Variants in ERBB4 observed in about 807,000 individuals in gnomAD.
ERBB4 encodes the protein receptor tyrosine-protein kinase erbB-4.
Under a neutral mutation model 158.0 loss-of-function variants are expected in ERBB4, and 42 were observed. That is an observed-to-expected ratio of 0.27 (90% CI 0.21 to 0.34). ERBB4 has a LOEUF of 0.34. ERBB4 is among the 10% of genes least tolerant of loss of function. The pLI is 1.00. For missense variants in ERBB4, 1,333 were observed against 1,624.1 expected, an observed-to-expected ratio of 0.82 and a Z score of 3.08; for synonymous variants, 583 against 558.7, an observed-to-expected ratio of 1.04 and a Z score of -0.61.
intron 1 of ERBB4, among the ~76,000 whole-genome samples, chr2:212,239,772 T>C (rs2084013622): frequency 6.6e-6 from 1 of 152,166 alleles, no homozygotes. Context: ...AGGTATGAAA[T>C]AGAAAATTAT....
rs1449437878 is a variant in ERBB4, at chr2:211,381,891, A to C, written c.*1724T>G. On this transcript the variant is annotated 3_prime_UTR_variant, in exon 28 of 28. Transcript: ENST00000342788. Reference sequence around the variant, plus strand: ...TTTCAGAAAAGGGCGACTTATATCTAAGTTTCCTAATTATTGATGTGAGGC... The same window carrying C: ...TTTCAGAAAAGGGCGACTTATATCTCAGTTTCCTAATTATTGATGTGAGGC... 2 of 229,276 alleles carry C rather than the reference A, an allele frequency of 8.7e-6. No individual in the cohort carries two copies. Among genetic ancestry groups the C allele is most frequent in the African/African-American group, 2.2e-5 (1 of 45,150 alleles). The allele number at this position is 229,276 out of a possible 1,614,324, so 14.2% of individuals were successfully genotyped here. A position where few individuals can be genotyped will look rare whatever the true frequency, so the allele number is the denominator to read the frequency against.
chr2:211,544,685 C>CA (rs2066897410), intron 20 of ERBB4, among the ~76,000 whole-genome samples: 2 of 151,984 alleles, frequency 1.3e-5, no homozygotes, highest in South Asian at 4.1e-4. Flanking sequence ...ACTTTGCATA[C>CA]ATCAACTCAT....
chr2:211,626,101 G>T (rs930217429), intron 17 of ERBB4, among the ~76,000 whole-genome samples: 36 of 152,132 alleles, frequency 2.4e-4, no homozygotes, highest in Admixed American at 2.2e-3. Context: ...TGTGAAGTAG[G>T]TGTAGCAATA....
chr2:212,009,282 C>T (rs911230643), intron 2 of ERBB4, among the ~76,000 whole-genome samples: 9 of 151,666 alleles, frequency 5.9e-5, no homozygotes, highest in Admixed American at 5.9e-4. Context: ...CAGGCAGGCC[C>T]TAAATCCAAA....
Position 211,379,643 on chromosome 2 carries a change from ATAACC to A in ERBB4, c.*3967_*3971del, listed in dbSNP as rs2062541386. 1 of 231,632 alleles carries A rather than the reference ATAACC, an allele frequency of 4.3e-6. No individual in the cohort carries two copies. Among genetic ancestry groups the A allele is most frequent in the Non-Finnish European group, 8.5e-6 (1 of 117,148 alleles). 14.3% of individuals were successfully genotyped at this position (231,632 alleles called of 1,614,324 possible). On this transcript the variant is annotated 3_prime_UTR_variant, in exon 28 of 28. Transcript: ENST00000342788. Reference sequence around the variant, plus strand: ...TAATATTAAAATCATTTAACATCTGATAACCTAACTAAATCTACATCTTATAGCAT... The same window carrying A: ...TAATATTAAAATCATTTAACATCTGATAACTAAATCTACATCTTATAGCAT...
chr2:211,988,864 G>C (rs1166823412), intron 2 of ERBB4, among the ~76,000 whole-genome samples: 1 of 151,934 alleles, frequency 6.6e-6, no homozygotes, highest in Non-Finnish European at 1.5e-5. Context: ...AGGGATCTAA[G>C]TCTCTTTTGC....
chr2:212,026,112 AAAGC>A (rs1215362725), intron 2 of ERBB4, among the ~76,000 whole-genome samples: 1 of 151,742 alleles, frequency 6.6e-6, no homozygotes, highest in Admixed American at 6.6e-5. Flanking sequence ...TACGTAAGCC[AAAGC>A]AAGCAAGATT....
chr2:212,286,608 T>TGTTTTGTTTTG (rs1374258377), intron 1 of ERBB4, among the ~76,000 whole-genome samples: 1 of 121,696 alleles, frequency 8.2e-6, no homozygotes. Context: ...TTTTTTTTTT[T>TGTTTTGTTTTG]TTTTTTTTTT....
intron 1 of ERBB4, among the ~76,000 whole-genome samples, chr2:212,266,175 C>T (rs1457242403): frequency 6.6e-6 from 1 of 151,406 alleles, no homozygotes; most frequent in Admixed American, 6.6e-5. Flanking sequence ...GATGAAATTC[C>T]TTTCATTTTC....
chr2:211,696,784 C>T (rs1307533169), intron 12 of ERBB4, among the ~76,000 whole-genome samples: 2 of 152,060 alleles, frequency 1.3e-5, no homozygotes, highest in Admixed American at 1.3e-4. Flanking sequence ...ATTCTCCTGC[C>T]TCAGCCTCCC....
chr2:212,419,018 A>G (rs1246162054), intron 1 of ERBB4, among the ~76,000 whole-genome samples: 1 of 151,914 alleles, frequency 6.6e-6, no homozygotes, highest in Non-Finnish European at 1.5e-5. Flanking sequence ...GTGTGAAAAG[A>G]GCCATACCCT....
chr2:211,494,108 T>C (rs2125577498), intron 20 of ERBB4, among the ~76,000 whole-genome samples: 1 of 152,232 alleles, frequency 6.6e-6, no homozygotes, highest in Middle Eastern at 3.4e-3. Flanking sequence ...GTTCAAACAA[T>C]TCTTGGGCTT....
chr2:211,439,343 G>A (rs1332432350), intron 20 of ERBB4, among the ~76,000 whole-genome samples: 1 of 152,054 alleles, frequency 6.6e-6, no homozygotes, highest in African/African-American at 2.4e-5. Flanking sequence ...GGTTTTTAAA[G>A]TGCCTCCAAA....
At chr2:211,909,896 G>A (rs6716706) in intron 3 of ERBB4, among the ~76,000 whole-genome samples, 20,304 of 151,592 alleles carry the variant, frequency 0.13, 1,793 homozygotes, top group African/African-American at 0.21. Flanking sequence ...CAATCTTTCT[G>A]TATAAGTTAA....
intron 5 of ERBB4, among the ~76,000 whole-genome samples, chr2:211,749,041 GC>G (rs2075053256): frequency 6.6e-6 from 1 of 152,152 alleles, no homozygotes; most frequent in Non-Finnish European, 1.5e-5. Flanking sequence ...ATACATTCCT[GC>G]CATAAAACAT....
At chr2:211,910,174 C>T (rs1278586536) in intron 3 of ERBB4, among the ~76,000 whole-genome samples, 25 of 151,532 alleles carry the variant, frequency 1.6e-4, no homozygotes, top group Admixed American at 1.4e-3. Context: ...ACCTCAGCCT[C>T]CCAGAGTGCT....
intron 1 of ERBB4, among the ~76,000 whole-genome samples, chr2:212,287,953 C>T (rs1464558730): frequency 6.6e-6 from 1 of 152,038 alleles, no homozygotes; most frequent in African/African-American, 2.4e-5. Flanking sequence ...ACCTAATGGG[C>T]ACGAGGCTTA....
At chr2:212,470,697 G>A (rs372261082) in intron 1 of ERBB4, among the ~76,000 whole-genome samples, 1 of 152,070 alleles carries the variant, frequency 6.6e-6, no homozygotes, top group South Asian at 2.1e-4. Flanking sequence ...TTATTTCTGA[G>A]GTCCCGAAAT....
chr2:212,492,001 T>C (rs938222003), intron 1 of ERBB4, among the ~76,000 whole-genome samples: 1 of 151,604 alleles, frequency 6.6e-6, no homozygotes, highest in South Asian at 2.1e-4. Flanking sequence ...CTTTAAAAAA[T>C]ACCAATTTTG....
Sources: allele counts gnomAD v4.1 joint callset (sites outside exome capture counted in the v4.1 genomes callset), GRCh38; gene constraint gnomAD v4.1.1; transcripts MANE v1.5; gene names NCBI Gene and HGNC (gene_info 2026-07-23, HGNC 2026-07-21).